Variants in CTNNA3 observed in about 807,000 individuals in gnomAD.
CTNNA3 encodes catenin alpha-3.
CTNNA3 carries 76 observed loss-of-function variants against 95.7 expected under a neutral mutation model. The ratio of observed to expected loss-of-function variants is 0.79; its 90% CI spans 0.66 to 0.96. The LOEUF is 0.96. Among genes scored for constraint, CTNNA3 ranks in the 40% least tolerant of loss-of-function variants. CTNNA3 has a pLI of 0.00. For synonymous variants in CTNNA3, 431 were observed against 374.4 expected (o/e 1.15, Z -1.74); for missense variants, 1,191 against 1,089.8 (o/e 1.09, Z -1.31).
chr10:66,221,872 T>A (rs1446873234), intron 13 of CTNNA3, among the ~76,000 whole-genome samples: 1 of 152,204 alleles, frequency 6.6e-6, no homozygotes, highest in Non-Finnish European at 1.5e-5. Flanking sequence ...TACAAAGACC[T>A]TGTATTTAGA....
At chr10:66,529,439 G>GTT (rs201667838) in intron 10 of CTNNA3, among the ~76,000 whole-genome samples, 4 of 50,634 alleles carry the variant, frequency 7.9e-5, no homozygotes, top group Non-Finnish European at 1.4e-4. Context: ...GCCAAACAGT[G>GTT]TTTTTTTTTT....
intron 3 of CTNNA3, among the ~76,000 whole-genome samples, chr10:67,593,384 C>G (rs371330198): frequency 6.6e-6 from 1 of 152,098 alleles, no homozygotes; most frequent in Non-Finnish European, 1.5e-5. Context: ...TTCTTCTGAT[C>G]CATGAGCATG....
At chr10:66,496,533 G>T (rs550579589) in intron 11 of CTNNA3, among the ~76,000 whole-genome samples, 2 of 152,288 alleles carry the variant, frequency 1.3e-5, no homozygotes, top group African/African-American at 4.8e-5. Context: ...TTTCAAAGTT[G>T]TCACAAATAA....
chr10:66,467,517 G>A (rs1838967116), intron 11 of CTNNA3, among the ~76,000 whole-genome samples: 1 of 152,038 alleles, frequency 6.6e-6, no homozygotes, highest in Non-Finnish European at 1.5e-5. Context: ...CCTTGCCAGT[G>A]ACTGGTTTAA....
chr10:67,428,701 TG>T (rs896154067), intron 5 of CTNNA3, among the ~76,000 whole-genome samples: 3 of 152,024 alleles, frequency 2.0e-5, no homozygotes, highest in African/African-American at 7.2e-5. Flanking sequence ...GTCACTGGGC[TG>T]GGGAAGGCAG....
chr10:67,296,934 CAAAAAA>C (rs1210482029), intron 5 of CTNNA3, among the ~76,000 whole-genome samples: 39 of 17,658 alleles, frequency 2.2e-3, no homozygotes, highest in Middle Eastern at 0.025. Flanking sequence ...AACGCTGTCT[CAAAAAA>C]AAAAAAAAAA....
intron 11 of CTNNA3, among the ~76,000 whole-genome samples, chr10:66,497,312 A>G (rs2131953957): frequency 6.6e-6 from 1 of 152,014 alleles, no homozygotes; most frequent in East Asian, 1.9e-4. Context: ...ATGGTGCAAA[A>G]GTAGTTGCAG....
intron 11 of CTNNA3, among the ~76,000 whole-genome samples, chr10:66,517,950 T>A (rs1487189672): frequency 6.6e-6 from 1 of 152,144 alleles, no homozygotes; most frequent in Non-Finnish European, 1.5e-5. Flanking sequence ...CTTTTTATTA[T>A]CCTCCTGTAC....
chr10:66,132,187 T>G (rs1336179807), intron 13 of CTNNA3, among the ~76,000 whole-genome samples: 1 of 152,130 alleles, frequency 6.6e-6, no homozygotes, highest in Non-Finnish European at 1.5e-5. Flanking sequence ...TCAGCATCTA[T>G]AAGGAACTTA....
chr10:66,833,612 C>G (rs575057160), intron 7 of CTNNA3, among the ~76,000 whole-genome samples: 2 of 152,112 alleles, frequency 1.3e-5, no homozygotes, highest in Non-Finnish European at 2.9e-5. Context: ...CAAGCTAATA[C>G]GTATTGAAGT....
At chr10:67,268,344 TAAATTAAATTAAATA>T (rs1226186501) in intron 5 of CTNNA3, among the ~76,000 whole-genome samples, 19 of 150,516 alleles carry the variant, frequency 1.3e-4, no homozygotes, top group African/African-American at 4.7e-4. Flanking sequence ...TAAATTAAAT[TAAATTAAATTAAATA>T]AATAAATAAA....
At chr10:66,679,318 G>A (rs1175278943) in intron 9 of CTNNA3, among the ~76,000 whole-genome samples, 1 of 152,162 alleles carries the variant, frequency 6.6e-6, no homozygotes, top group Non-Finnish European at 1.5e-5. Flanking sequence ...ACTAGCTTCA[G>A]CAATTGGGAG....
chr10:66,553,098 C>A (rs1157163417), intron 10 of CTNNA3, among the ~76,000 whole-genome samples: 3 of 151,964 alleles, frequency 2.0e-5, no homozygotes, highest in Non-Finnish European at 4.4e-5. Context: ...TAGCAGTATA[C>A]TGGTATTTAA....
chr10:67,036,327 T>C (rs1854050938), intron 7 of CTNNA3, among the ~76,000 whole-genome samples: 1 of 151,504 alleles, frequency 6.6e-6, no homozygotes, highest in Non-Finnish European at 1.5e-5. Flanking sequence ...TGGAGTGCAG[T>C]GGCGCGATCT....
At chr10:67,048,581 C>T (rs1222977726) in intron 7 of CTNNA3, among the ~76,000 whole-genome samples, 1 of 152,010 alleles carries the variant, frequency 6.6e-6, no homozygotes, top group Non-Finnish European at 1.5e-5. Flanking sequence ...TATACATTAT[C>T]ACAACACTCA....
At chr10:66,034,107 CTA>C (rs1399111835) in intron 15 of CTNNA3, among the ~76,000 whole-genome samples, 1 of 151,968 alleles carries the variant, frequency 6.6e-6, no homozygotes, top group Non-Finnish European at 1.5e-5. Flanking sequence ...TAAATTATAA[CTA>C]TTTTTATCTT....
intron 5 of CTNNA3, among the ~76,000 whole-genome samples, chr10:67,299,109 G>A (rs1840161121): frequency 1.3e-5 from 2 of 152,006 alleles, no homozygotes; most frequent in Non-Finnish European, 2.9e-5. Context: ...ATGTTGGCCA[G>A]GATGGTCTCG....
intron 11 of CTNNA3, among the ~76,000 whole-genome samples, chr10:66,501,342 C>G (rs79172878): frequency 0.021 from 3,259 of 152,208 alleles, 53 homozygotes; most frequent in Non-Finnish European, 0.035. Context: ...GTTTCAAAGA[C>G]TGGATGTCAC....
chr10:67,390,687 C>A (rs1271770022), intron 5 of CTNNA3, among the ~76,000 whole-genome samples: 1 of 150,054 alleles, frequency 6.7e-6, no homozygotes, highest in Non-Finnish European at 1.5e-5. Flanking sequence ...TCCAGCAGCA[C>A]ATCAAAAAGC....
Sources: allele counts gnomAD v4.1 joint callset (sites outside exome capture counted in the v4.1 genomes callset), GRCh38; gene constraint gnomAD v4.1.1; transcripts MANE v1.5; gene names NCBI Gene and HGNC (gene_info 2026-07-23, HGNC 2026-07-21).